SMARCA4: variants seen among roughly 807,000 people sequenced by gnomAD.
SMARCA4 encodes SWI/SNF related BAF chromatin remodeling complex subunit ATPase 4, also known as SWI/SNF-related matrix-associated actin-dependent regulator of chromatin subfamily A member 4.
A neutral mutation model predicts 193.9 loss-of-function variants in SMARCA4; 31 were observed. That is an observed-to-expected ratio of 0.16 (90% CI 0.12 to 0.22). SMARCA4 has a LOEUF of 0.22. Among genes scored for constraint, SMARCA4 ranks in the 10% least tolerant of loss-of-function variants. The pLI, the probability that SMARCA4 is intolerant of heterozygous loss-of-function variation, is 1.00. For synonymous variants in SMARCA4, 942 were observed against 933.1 expected (o/e 1.01, Z -0.17); for missense variants, 1,148 against 2,296.0 (o/e 0.50, Z 10.22).
intron 15 of SMARCA4, chr19:11,012,712 C>T (rs1303253776): frequency 5.3e-6 from 3 of 565,836 alleles, no homozygotes; most frequent in Admixed American, 2.6e-5. Context: ...AAATGTCACA[C>T]GTGTCCATCG....
chr19:11,011,099 GA>G (rs2088796279), intron 15 of SMARCA4: 1 of 198,082 alleles, frequency 5.0e-6, no homozygotes, highest in Non-Finnish European at 1.1e-5. Context: ...GGACAGTCAC[GA>G]AACAGAGCTG....
rs2145846572 is a variant in SMARCA4, at chr19:10,989,321, C to G, written c.1123C>G (p.Gln375Glu). Residue 375 changes from glutamine to glutamate, a missense_variant, in exon 7 of 35, where the codon CAG becomes GAG. Transcript: ENST00000344626. ...EILQEREYRL[Q>E]ARIAHRIQEL... ...GCTCCTTGTCTCTGCTCCCAGGCTG[C>G]AGGCTCGCATCGCACACCGAATTCA... 1 of 1,614,042 alleles carries G rather than the reference C, an allele frequency of 6.2e-7. No individual in the cohort carries two copies. The highest frequency in any genetic ancestry group is 8.5e-7 in the Non-Finnish European group (1 of 1,179,944).
intron 6 of SMARCA4, among the ~76,000 whole-genome samples, chr19:10,988,578 GT>G (rs1383596947): frequency 6.6e-6 from 1 of 152,114 alleles, no homozygotes; most frequent in Non-Finnish European, 1.5e-5. Flanking sequence ...AGTTAGACTT[GT>G]TCCTGCCCCA....
At chr19:11,059,135 A>G (rs982057408) in intron 32 of SMARCA4, 3 of 481,752 alleles carry the variant, frequency 6.2e-6, no homozygotes, top group Non-Finnish European at 1.1e-5. Context: ...AAAATTAAAA[A>G]TTTCCAACTT....
At chr19:11,053,341 G>A (rs981223966) in intron 30 of SMARCA4, among the ~76,000 whole-genome samples, 8 of 151,836 alleles carry the variant, frequency 5.3e-5, no homozygotes, top group African/African-American at 2.4e-5. Context: ...TAAGTTAGCC[G>A]GGCATGGTGG....
rs2075157230 is a variant in SMARCA4, at chr19:11,034,718, G to A, written c.3952-196G>A. Among the ~76,000 whole-genome samples, 1 of 152,148 alleles carries A rather than the reference G, an allele frequency of 6.6e-6. No homozygotes were observed. The highest frequency in any genetic ancestry group is 2.4e-5 in the African/African-American group (1 of 41,434). ...TTTCGAGTTTCCTCTGCCTCCTGAG[G>A]CAGAGCCTCTAGTCAGGGTCTGACG... On this transcript the variant is annotated intron_variant, in intron 28 of 34. Transcript: ENST00000344626. The surrounding 1 kb of genome is among the most constrained non-coding windows in gnomAD (Gnocchi z 7.0).
At position 10,986,645 on chromosome 19, in the gene SMARCA4, G is replaced by T; in HGVS notation, c.760+52G>T. 6.5e-7 allele frequency: 1 copy of T among 1,534,342 alleles called. No individual in the cohort carries two copies. Among genetic ancestry groups the T allele is most frequent in the Non-Finnish European group, 8.7e-7 (1 of 1,146,480 alleles). On this transcript the variant is annotated intron_variant, in intron 4 of 34. Transcript: ENST00000344626. This position sits in a 1 kb window ranked among gnomAD's most constrained non-coding sequence, Gnocchi z 6.7. Reference sequence around the variant, plus strand: ...GTGTCTCAGAGCGAATGGCTGGGGCGTGGGTGGCGGGGTGGACAGACCGTG... The same window carrying T: ...GTGTCTCAGAGCGAATGGCTGGGGCTTGGGTGGCGGGGTGGACAGACCGTG...
chr19:11,045,792 T>G (rs1427637904), intron 30 of SMARCA4, among the ~76,000 whole-genome samples: 1 of 152,080 alleles, frequency 6.6e-6, no homozygotes, highest in Non-Finnish European at 1.5e-5. Context: ...TACAATAAAT[T>G]AAAACTTTCG....
chr19:11,054,292 C>T (rs2421198), intron 30 of SMARCA4, among the ~76,000 whole-genome samples: 44,507 of 152,090 alleles, frequency 0.29, 7,140 homozygotes, highest in East Asian at 0.64. Context: ...TGCCCGGCAG[C>T]GGGAACTGGG....
intron 16 of SMARCA4, among the ~76,000 whole-genome samples, chr19:11,013,322 TC>T (rs1242163509): frequency 6.6e-6 from 1 of 152,222 alleles, no homozygotes; most frequent in Admixed American, 6.5e-5. Context: ...CTTACATGTA[TC>T]TCACTGTGTC....
At position 10,996,392 on chromosome 19, in the gene SMARCA4, C is replaced by A. The variant is rs762446865; in HGVS notation, c.1761+12C>A. On this transcript the variant is annotated intron_variant, in intron 10 of 34. Transcript: ENST00000344626. ...AAAAGAAAAAGAAGGTGTGCTGGGCCTGGCATGGTGCCCGCCGCGGGTGGG... is the reference window on the plus strand; with the variant it reads ...AAAAGAAAAAGAAGGTGTGCTGGGCATGGCATGGTGCCCGCCGCGGGTGGG... 1.2e-6 allele frequency: 2 copies of A among 1,614,192 alleles called. No individual in the cohort carries two copies. The highest frequency in any genetic ancestry group is 3.3e-5 in the Admixed American group (2 of 60,028).
chr19:10,977,166 C>G (rs1023828030), intron 1 of SMARCA4, among the ~76,000 whole-genome samples: 1 of 152,186 alleles, frequency 6.6e-6, no homozygotes, highest in African/African-American at 2.4e-5. Flanking sequence ...GGTCCTGGAT[C>G]GCACCTAGGG....
chr19:11,050,497 C>T (rs12609272), intron 30 of SMARCA4, among the ~76,000 whole-genome samples: 2 of 152,228 alleles, frequency 1.3e-5, no homozygotes, highest in Admixed American at 6.5e-5. Flanking sequence ...TGGGAGGGGA[C>T]GATGGTCCCT....
intron 11 of SMARCA4, among the ~76,000 whole-genome samples, chr19:10,997,049 T>G (rs1424038115): frequency 6.6e-6 from 1 of 151,748 alleles, no homozygotes; most frequent in Non-Finnish European, 1.5e-5. Flanking sequence ...AGATGGAGTT[T>G]TGCTCTTTTG....
At chr19:11,045,642 C>CTT (rs757114648) in intron 30 of SMARCA4, among the ~76,000 whole-genome samples, 3 of 144,036 alleles carry the variant, frequency 2.1e-5, no homozygotes. Context: ...TGTTAGTCCA[C>CTT]TTTTTTTTTT....
At chr19:11,017,059 C>T (rs1025313974) in intron 16 of SMARCA4, among the ~76,000 whole-genome samples, 2 of 152,104 alleles carry the variant, frequency 1.3e-5, no homozygotes, top group African/African-American at 2.4e-5. Context: ...CGTGCTGATG[C>T]TTTGTGCACG....
chr19:10,986,946 G>T lies in SMARCA4; in HGVS notation c.802G>T (p.Val268Leu), dbSNP rs768522438. 6.2e-7 allele frequency: 1 copy of T among 1,611,356 alleles called. No homozygotes were observed. Among genetic ancestry groups the T allele is most frequent in the Non-Finnish European group, 8.5e-7 (1 of 1,179,894 alleles). Residue 268 changes from valine to leucine, a missense_variant, in exon 5 of 35, where the codon GTG (valine) becomes TTG (leucine). Val to Leu is a conservative substitution (Grantham distance 32, BLOSUM62 1). Transcript: ENST00000344626. The surrounding 1 kb of genome is among the most constrained non-coding windows in gnomAD (Gnocchi z 6.7). Reference protein sequence around the residue: ...PNMPPPGPSGVPPGMPGQPPG... With the variant: ...PNMPPPGPSGLPPGMPGQPPG... ...CATGCCTCCCCCAGGACCCTCGGGC[G>T]TGCCCCCCGGGATGCCAGGCCAGCC...
chr19:10,974,986 C>G (rs191681239), intron 1 of SMARCA4, among the ~76,000 whole-genome samples: 1 of 149,090 alleles, frequency 6.7e-6, no homozygotes, highest in Non-Finnish European at 1.5e-5. Context: ...CTGTGAGACA[C>G]CATGCCCAGC....
chr19:10,990,006 G>A (rs991140442), intron 7 of SMARCA4, among the ~76,000 whole-genome samples: 1 of 151,174 alleles, frequency 6.6e-6, no homozygotes, highest in Admixed American at 6.6e-5. Flanking sequence ...TCCTGCATGG[G>A]TCTATTTCTG....
Sources: gnomAD v4.1 joint callset for allele counts (sites outside exome capture counted in the v4.1 genomes callset) on GRCh38, gnomAD v4.1.1 for gene constraint, Gnocchi (gnomAD v3.1) non-coding constraint, MANE v1.5 for transcripts, NCBI Gene and HGNC (gene_info 2026-07-23, HGNC 2026-07-21) for gene names.